The following PLEKHA6 variants were observed in gnomAD, a reference collection of about 807,000 sequenced individuals.
PLEKHA6 encodes the protein pleckstrin homology domain containing A6, also known as pleckstrin homology domain-containing family A member 6.
PLEKHA6 carries 60 observed loss-of-function variants against 116.7 expected under a neutral mutation model. The ratio of observed to expected loss-of-function variants is 0.51; its 90% CI spans 0.42 to 0.64. PLEKHA6 has a LOEUF of 0.64. Among genes scored for constraint, PLEKHA6 ranks in the 30% least tolerant of loss-of-function variants. The pLI is 0.00. For missense variants in PLEKHA6, 1,338 were observed against 1,422.7 expected (o/e 0.94, Z 0.96); for synonymous variants, 489 against 556.1 (o/e 0.88, Z 1.70).
At chr1:204,239,354 CACGATTCCTTGGGGTGAACA>C (rs1488377800) in intron 17 of PLEKHA6, among the ~76,000 whole-genome samples, 2 of 152,206 alleles carry the variant, frequency 1.3e-5, no homozygotes, top group Non-Finnish European at 2.9e-5. Context: ...CTTGATATGG[CACGATTCCTTGGGGTGAACA>C]ACCAGCTACC....
chr1:204,368,294 G>A (rs2103408139), intron 2 of PLEKHA6: 1 of 152,284 alleles, frequency 6.6e-6, no homozygotes, highest in East Asian at 1.9e-4. Context: ...ACTCATCACA[G>A]ATCATTAACA....
intron 1 of PLEKHA6, among the ~76,000 whole-genome samples, chr1:204,286,261 G>A (rs549857322): frequency 6.6e-6 from 1 of 152,136 alleles, no homozygotes; most frequent in Non-Finnish European, 1.5e-5. Flanking sequence ...GAACCTGCTG[G>A]CTATAGCCCA....
intron 1 of PLEKHA6, among the ~76,000 whole-genome samples, chr1:204,319,956 T>C (rs1482471759): frequency 6.6e-6 from 1 of 152,134 alleles, no homozygotes; most frequent in African/African-American, 2.4e-5. Context: ...CACCACCCTC[T>C]GCGGGTCTAA....
chr1:204,245,934 A>C (rs962096835), intron 13 of PLEKHA6, among the ~76,000 whole-genome samples: 4 of 152,062 alleles, frequency 2.6e-5, no homozygotes, highest in African/African-American at 9.7e-5. Flanking sequence ...AGCCTCTAGG[A>C]GATGGCACCC....
rs1008344946 is a variant in PLEKHA6, at chr1:204,304,781, C to T, written c.-94-29972G>A. 4.6e-5 allele frequency among the ~76,000 whole-genome samples: 7 copies of T among 152,184 alleles called. 1 individual carries two copies. Among genetic ancestry groups the T allele is most frequent in the Admixed American group, 3.3e-4 (5 of 15,278 alleles). On this transcript the variant is annotated intron_variant, in intron 1 of 22. Coordinates refer to ENST00000272203, the MANE Select transcript of PLEKHA6 (RefSeq NM_014935.5). ...TAAAAATTAAGAGAAAGATCCTACG[C>T]TTTTGGGATTCAGACCTTCTAGAAA...
rs999331698 is a variant in PLEKHA6, at chr1:204,359,815, G to T, written c.-216C>A. 1.3e-5 allele frequency: 5 copies of T among 380,510 alleles called. No homozygotes were observed. In the East Asian group the frequency reaches 6.5e-4, roughly 49 times the overall value. 23.6% of individuals were successfully genotyped at this position (380,510 alleles called of 1,614,324 possible). ...CCCGCCCCTGGGGCCCCCTTCTGCA[G>T]AGCGGGGCTCCGGATCTAATCTGAT... On this transcript the variant is annotated 5_prime_UTR_variant, in exon 1 of 23. The change creates a new upstream start codon in the 5' untranslated region. Coordinates refer to ENST00000272203, the MANE Select transcript of PLEKHA6 (RefSeq NM_014935.5).
At chr1:204,357,083 A>G (rs1033072658) in intron 1 of PLEKHA6, among the ~76,000 whole-genome samples, 5 of 152,266 alleles carry the variant, frequency 3.3e-5, no homozygotes, top group Non-Finnish European at 7.3e-5. Flanking sequence ...AACTATTTTT[A>G]TGACCACGTA....
At chr1:204,335,629 G>A (rs1041868986) in intron 1 of PLEKHA6, among the ~76,000 whole-genome samples, 66 of 152,090 alleles carry the variant, frequency 4.3e-4, no homozygotes, top group African/African-American at 1.4e-3. Context: ...GGCAGTGCCA[G>A]GGAGATGATG....
rs1662380044 is a variant in PLEKHA6 at position 204,238,558 on chromosome 1, A to G, written c.2409+2817T>C. Among the ~76,000 whole-genome samples the G allele has an allele frequency of 6.6e-6, 1 of 152,120 alleles. No homozygotes were observed. The highest frequency in any genetic ancestry group is 1.5e-5 in the Non-Finnish European group (1 of 68,034). ...GGTGCACAGCAGCATTCCATCATCA[A>G]ATGGAAGTGGTATATATGTGATCAG... On this transcript the variant is annotated intron_variant, in intron 17 of 22. Coordinates refer to ENST00000272203, the MANE Select transcript of PLEKHA6 (RefSeq NM_014935.5). The surrounding 1 kb of genome is among the most constrained non-coding windows in gnomAD (Gnocchi z 4.2).
intron 1 of PLEKHA6, among the ~76,000 whole-genome samples, chr1:204,334,035 G>A (rs1184790608): frequency 3.3e-5 from 5 of 152,202 alleles, no homozygotes; most frequent in Admixed American, 2.0e-4. Context: ...CAACAGCCAA[G>A]GGTAATATGA....
In PLEKHA6 at chr1:204,248,813, TG is replaced by T. The variant is rs763086110; in HGVS notation, c.1824+7del. The T allele has an allele frequency of 3.7e-6, 6 of 1,612,796 alleles. No individual in the cohort carries two copies. The highest frequency in any genetic ancestry group is 5.1e-6 in the Non-Finnish European group (6 of 1,179,572). ...GGTGGGGTGCACGAACCCCGCTCCC[TG>T]GGTTACCGTGGTCGCCTGAGACAGC... On this transcript the variant is annotated splice_region_variant and intron_variant, in intron 12 of 22. Transcript: ENST00000272203.
chr1:204,256,872 T>C (rs541258977), intron 9 of PLEKHA6: 2 of 656,528 alleles, frequency 3.0e-6, no homozygotes, highest in South Asian at 1.7e-5. Context: ...TGGCCGCCTG[T>C]CTCCCAGGTA....
chr1:204,274,645 T>C lies in PLEKHA6; in HGVS notation c.-14+84A>G. 6.1e-6 allele frequency: 6 copies of C among 985,868 alleles called. No homozygotes were observed. The South Asian group carries it at 2.8e-4, about 46-fold the overall frequency. The allele number at this position is 985,868 out of a possible 1,614,324, so 61.1% of individuals were successfully genotyped here. Reference sequence around the variant, plus strand: ...TGCTTTCCTTCCCCTCCCTGTTGCCTTCTGCTTTCCAGCTGCAAGGAGGCA... The same window carrying C: ...TGCTTTCCTTCCCCTCCCTGTTGCCCTCTGCTTTCCAGCTGCAAGGAGGCA... On this transcript the variant is annotated intron_variant, in intron 2 of 22. Coordinates refer to ENST00000272203, the MANE Select transcript of PLEKHA6 (RefSeq NM_014935.5).
chr1:204,247,685 A>G (rs1663915887), intron 12 of PLEKHA6, among the ~76,000 whole-genome samples: 1 of 152,206 alleles, frequency 6.6e-6, no homozygotes, highest in South Asian at 2.1e-4. Context: ...TGAAATAAAG[A>G]GAAAATGGAG....
chr1:204,287,761 G>A (rs760480548), intron 1 of PLEKHA6, among the ~76,000 whole-genome samples: 2 of 152,136 alleles, frequency 1.3e-5, no homozygotes, highest in African/African-American at 2.4e-5. Context: ...CAGAGCTACC[G>A]AGCGCCTCTC....
upstream of PLEKHA6, among the ~76,000 whole-genome samples, chr1:204,364,699 G>A (rs1433111024): frequency 1.3e-5 from 2 of 152,160 alleles, no homozygotes; most frequent in African/African-American, 2.4e-5. Flanking sequence ...ACCCCCCTGT[G>A]TTGCCCCTGC....
chr1:204,286,817 G>A lies in PLEKHA6; in HGVS notation c.-94-12008C>T, dbSNP rs1330031159. 3.9e-5 allele frequency among the ~76,000 whole-genome samples: 6 copies of A among 152,132 alleles called. No individual in the cohort carries two copies. In the East Asian group the frequency reaches 9.7e-4, roughly 25 times the overall value. Reference sequence around the variant, plus strand: ...CTCAATATGAGGCAGAACACAACAAGTATCCCCGTTCCTCTCCTATACTCT... The same window carrying A: ...CTCAATATGAGGCAGAACACAACAAATATCCCCGTTCCTCTCCTATACTCT... On this transcript the variant is annotated intron_variant, in intron 1 of 22. Transcript: ENST00000272203.
At chr1:204,361,083 G>A (rs890970241), upstream of PLEKHA6, among the ~76,000 whole-genome samples, 6 of 152,132 alleles carry the variant, frequency 3.9e-5, no homozygotes, top group African/African-American at 1.4e-4. Context: ...CTTAAACCTG[G>A]AAACTGGGGA....
Position 204,280,401 on chromosome 1 carries a change from A to G in PLEKHA6, c.-94-5592T>C, listed in dbSNP as rs1481798794. On this transcript the variant is annotated intron_variant, in intron 1 of 22. Coordinates refer to ENST00000272203, the MANE Select transcript of PLEKHA6 (RefSeq NM_014935.5). ...GATGCCCAGAACCCCACTGTGATCA[A>G]TATTGAACGACTGGAGAAATACTCC... 4.1e-6 allele frequency: 4 copies of G among 985,232 alleles called. No individual in the cohort carries two copies. The East Asian group carries it at 4.5e-4, about 112-fold the overall frequency. The allele number at this position is 985,232 out of a possible 1,614,324, so 61.0% of individuals were successfully genotyped here.
Sources: gnomAD v4.1 joint callset for allele counts (sites outside exome capture counted in the v4.1 genomes callset) on GRCh38, gnomAD v4.1.1 for gene constraint, Gnocchi (gnomAD v3.1) non-coding constraint, MANE v1.5 for transcripts, NCBI Gene and HGNC (gene_info 2026-07-23, HGNC 2026-07-21) for gene names.